Variants in CDH10 observed in about 807,000 individuals in gnomAD.
The protein encoded by CDH10 is cadherin-10.
In CDH10, 30 loss-of-function variants were observed where a neutral mutation model predicts 73.1. The observed-to-expected ratio is 0.41, with a 90% confidence interval of 0.31 to 0.56. The LOEUF (loss-of-function observed/expected upper bound fraction) is 0.56. Among genes scored for constraint, CDH10 ranks in the 20% least tolerant of loss-of-function variants. The pLI, the probability that CDH10 is intolerant of heterozygous loss-of-function variation, is 0.27. For synonymous variants in CDH10, 345 were observed against 348.2 expected (o/e 0.99, Z 0.10); for missense variants, 815 against 973.7 (o/e 0.84, Z 2.17).
At chr5:24,543,179 T>A (rs551082354) in intron 2 of CDH10, among the ~76,000 whole-genome samples, 1 of 152,164 alleles carries the variant, frequency 6.6e-6, no homozygotes, top group South Asian at 2.1e-4. Flanking sequence ...AAAAACCATA[T>A]CTATCAGGAG....
At chr5:24,621,415 G>C (rs1439778623) in intron 1 of CDH10, among the ~76,000 whole-genome samples, 1 of 152,168 alleles carries the variant, frequency 6.6e-6, no homozygotes, top group African/African-American at 2.4e-5. Flanking sequence ...GAAAGATTCA[G>C]ACAAGTACAA....
chr5:24,621,837 C>T (rs1222530341), intron 1 of CDH10, among the ~76,000 whole-genome samples: 2 of 152,124 alleles, frequency 1.3e-5, no homozygotes, highest in Non-Finnish European at 2.9e-5. Context: ...TACACACACA[C>T]ACAGATATAA....
At chr5:24,493,301 A>C (rs1472151721) in intron 9 of CDH10, among the ~76,000 whole-genome samples, 3 of 152,022 alleles carry the variant, frequency 2.0e-5, no homozygotes, top group African/African-American at 4.8e-5. Context: ...GTTTTTCCCC[A>C]AAAATAAAAT....
rs1449197073 is a variant in CDH10, at chr5:24,492,848, G to A, written c.1593C>T (p.Val531=). ...GQKFFFSLAA[V]NPNFTVQDNE... ...TATCCTGTACTGTGAAGTTTGGATT[G>A]ACAGCAGCTAAACTGAAAAAAAATT... The change falls in exon 10 of 12, where the codon GTC becomes GTT. Residue 531 remains valine, a synonymous_variant. Coordinates refer to ENST00000264463, the MANE Select transcript of CDH10 (RefSeq NM_006727.5). 2 of 1,551,986 alleles carry A rather than the reference G, an allele frequency of 1.3e-6. No individual in the cohort carries two copies. The highest frequency in any genetic ancestry group is 1.8e-6 in the Non-Finnish European group (2 of 1,123,828).
At chr5:24,610,544 C>T (rs953190992) in intron 1 of CDH10, among the ~76,000 whole-genome samples, 1 of 151,990 alleles carries the variant, frequency 6.6e-6, no homozygotes, top group East Asian at 1.9e-4. Context: ...TAGGTTTCCT[C>T]TGAATGGCAA....
chr5:24,604,020 TA>T (rs1746662150), intron 1 of CDH10, among the ~76,000 whole-genome samples: 1 of 152,148 alleles, frequency 6.6e-6, no homozygotes, highest in South Asian at 2.1e-4. Flanking sequence ...AAGTTTTACA[TA>T]AAAACAATTA....
chr5:24,514,988 A>T (rs546202400), intron 5 of CDH10, among the ~76,000 whole-genome samples: 1 of 152,298 alleles, frequency 6.6e-6, no homozygotes, highest in African/African-American at 2.4e-5. Flanking sequence ...CACAAGTTTA[A>T]ATACATTTTA....
chr5:24,511,269 A>G, intron 6 of CDH10, 58 bp downstream of exon 6: 1 of 1,027,146 alleles, frequency 9.7e-7, no homozygotes, highest in East Asian at 2.4e-5. Flanking sequence ...CGAAGAGTAT[A>G]TAATGCAATC....
intron 2 of CDH10, among the ~76,000 whole-genome samples, chr5:24,566,996 C>G (rs1012011773): frequency 1.3e-5 from 2 of 151,948 alleles, no homozygotes; most frequent in African/African-American, 4.8e-5. Flanking sequence ...ATTATAAAAT[C>G]CCAACTGCCC....
intron 2 of CDH10, among the ~76,000 whole-genome samples, chr5:24,562,492 T>G (rs1450746043): frequency 6.6e-6 from 1 of 152,092 alleles, no homozygotes; most frequent in Non-Finnish European, 1.5e-5. Context: ...ATACTGATAT[T>G]TAGAGGGAGA....
chr5:24,508,670 C>T (rs1182436520), intron 7 of CDH10, among the ~76,000 whole-genome samples: 4 of 147,914 alleles, frequency 2.7e-5, no homozygotes, highest in East Asian at 3.9e-4. Context: ...AAGTGTGCAC[C>T]ACCATGCCTG....
chr5:24,495,805 T>C (rs543422817), intron 9 of CDH10, among the ~76,000 whole-genome samples: 47 of 146,702 alleles, frequency 3.2e-4, no homozygotes, highest in African/African-American at 1.1e-3. Flanking sequence ...TGAGCCGAGA[T>C]CACGCCACTC....
At chr5:24,492,691 T>C (rs962335399) in intron 10 of CDH10, 126 bp downstream of exon 10, 4 of 567,438 alleles carry the variant, frequency 7.0e-6, no homozygotes, top group Non-Finnish European at 1.3e-5. Flanking sequence ...ATCAAATACT[T>C]GATTAAAACA....
At chr5:24,562,514 ACTTGT>A (rs1214108240) in intron 2 of CDH10, among the ~76,000 whole-genome samples, 1 of 152,134 alleles carries the variant, frequency 6.6e-6, no homozygotes, top group East Asian at 1.9e-4. Context: ...CATAAATTCA[ACTTGT>A]CTTATGATAT....
intron 2 of CDH10, among the ~76,000 whole-genome samples, chr5:24,566,344 G>A (rs1350364022): frequency 6.6e-6 from 1 of 152,062 alleles, no homozygotes; most frequent in East Asian, 1.9e-4. Flanking sequence ...CACCACTCCC[G>A]GCCCCTAGCA....
intron 1 of CDH10, among the ~76,000 whole-genome samples, chr5:24,629,284 A>AAAAAAAAATT (rs1747622347): frequency 6.6e-6 from 1 of 152,154 alleles, no homozygotes; most frequent in African/African-American, 2.4e-5. Flanking sequence ...AAAACATCTC[A>AAAAAAAAATT]GTATTTTCTA....
At chr5:24,497,079 T>G (rs1728308162) in intron 9 of CDH10, among the ~76,000 whole-genome samples, 1 of 152,146 alleles carries the variant, frequency 6.6e-6, no homozygotes, top group Non-Finnish European at 1.5e-5. Context: ...AGCTGTTTTT[T>G]AAATGTCCAA....
chr5:24,531,139 C>T (rs969703614), intron 5 of CDH10, among the ~76,000 whole-genome samples: 2 of 152,032 alleles, frequency 1.3e-5, no homozygotes, highest in Non-Finnish European at 2.9e-5. Flanking sequence ...GTGGCTAGAT[C>T]CACTCTATAT....
chr5:24,626,866 G>GTA (rs1747521261), intron 1 of CDH10, among the ~76,000 whole-genome samples: 1 of 104,306 alleles, frequency 9.6e-6, no homozygotes, highest in African/African-American at 2.8e-5. Context: ...ATATATATGT[G>GTA]TATATATAAG....
Sources: allele counts gnomAD v4.1 joint callset (sites outside exome capture counted in the v4.1 genomes callset), GRCh38; gene constraint gnomAD v4.1.1; transcripts MANE v1.5; gene names NCBI Gene and HGNC (gene_info 2026-07-23, HGNC 2026-07-21).